The following TMCO4 variants were observed in gnomAD, a reference collection of about 807,000 sequenced individuals.
TMCO4 encodes the protein transmembrane and coiled-coil domains 4.
TMCO4 carries 58 observed loss-of-function variants against 64.7 expected under a neutral mutation model. The observed-to-expected ratio is 0.90, with a 90% CI of 0.73 to 1.12. TMCO4 has a LOEUF of 1.12. TMCO4 is among the 50% of genes most tolerant of loss of function. The pLI, the probability that TMCO4 is intolerant of heterozygous loss-of-function variation, is 0.00. For synonymous variants in TMCO4, 325 were observed against 346.1 expected (o/e 0.94, Z 0.68); for missense variants, 780 against 825.9 (o/e 0.94, Z 0.68).
rs1201398752 is a variant in TMCO4, at chr1:19,734,721, T to G, written c.1264+2651A>C. Among the ~76,000 whole-genome samples, 1 of 152,128 alleles carries G rather than the reference T, an allele frequency of 6.6e-6. No homozygotes were observed. The highest frequency in any genetic ancestry group is 1.5e-5 in the Non-Finnish European group (1 of 68,012). On this transcript the variant is annotated intron_variant, in intron 13 of 15. Coordinates refer to ENST00000294543, the MANE Select transcript of TMCO4 (RefSeq NM_181719.7). The surrounding 1 kb of genome is among the most constrained non-coding windows in gnomAD (Gnocchi z 4.4). ...CTGGAATGCCCTGCCCTAGTCCAGC[T>G]GCCGTCTGCCAAATACAGCATAGTG...
At chr1:19,738,311 C>G (rs2095464683) in intron 12 of TMCO4, 1 of 152,268 alleles carries the variant, frequency 6.6e-6, no homozygotes, top group Admixed American at 6.5e-5. Context: ...TCATTCTCCC[C>G]TTTGTCCTTT....
chr1:19,688,992 AG>A (rs2095171160), intron 15 of TMCO4, among the ~76,000 whole-genome samples: 1 of 152,076 alleles, frequency 6.6e-6, no homozygotes, highest in Non-Finnish European at 1.5e-5. Context: ...GGAGAGACTG[AG>A]GGGCAGGAGG....
At chr1:19,708,828 A>C (rs1271458988) in intron 13 of TMCO4, among the ~76,000 whole-genome samples, 1 of 152,214 alleles carries the variant, frequency 6.6e-6, no homozygotes, top group Non-Finnish European at 1.5e-5. Context: ...GGCTGCAAAG[A>C]CCAAAGAATC....
intron 4 of TMCO4, among the ~76,000 whole-genome samples, chr1:19,779,591 G>C (rs2043363182): frequency 6.6e-6 from 1 of 152,036 alleles, no homozygotes; most frequent in Non-Finnish European, 1.5e-5. Flanking sequence ...TTGCTCCCAC[G>C]ACCCCGTTTA....
intron 2 of TMCO4, among the ~76,000 whole-genome samples, chr1:19,792,653 T>C (rs74058652): frequency 0.03 from 4,546 of 152,204 alleles, 226 homozygotes; most frequent in African/African-American, 0.1. Context: ...AATTCCATGA[T>C]GTGGGCCTTT....
rs2095443025 is a variant in TMCO4, at chr1:19,734,243, G to T, written c.1264+3129C>A. On this transcript the variant is annotated intron_variant, in intron 13 of 15. Transcript: ENST00000294543. The surrounding 1 kb of genome is among the most constrained non-coding windows in gnomAD (Gnocchi z 4.4). ...GAGGCGGGGGAAGGTGCTGAAGGCA[G>T]ATCATGAGTGGGGCCCTGTGAGTCA... 6.6e-6 allele frequency among the ~76,000 whole-genome samples: 1 copy of T among 152,172 alleles called. No individual in the cohort carries two copies. Among genetic ancestry groups the T allele is most frequent in the Non-Finnish European group, 1.5e-5 (1 of 68,028 alleles).
At chr1:19,730,985 A>G (rs2095427640) in intron 13 of TMCO4, among the ~76,000 whole-genome samples, 2 of 152,198 alleles carry the variant, frequency 1.3e-5, no homozygotes, top group South Asian at 4.1e-4. Flanking sequence ...TGTGCAGATT[A>G]ATTGGGTGTT....
chr1:19,777,990 G>A (rs1467704216), intron 4 of TMCO4, among the ~76,000 whole-genome samples: 1 of 152,208 alleles, frequency 6.6e-6, no homozygotes, highest in Non-Finnish European at 1.5e-5. Context: ...AGTGAGCTAT[G>A]TCTGTATCAC....
Position 19,739,928 on chromosome 1 carries a change from G to C in TMCO4, c.1075C>G (p.Leu359Val), listed in dbSNP as rs2095471524. ...IVAALTWPAS[L>V]LSVANVIDNP... ...TCGATGACATTGGCGACACTGAGGA[G>C]TGAGGCTGGCCAGGTCAGGGCAGCC... The change falls in exon 12 of 16, where the codon CTC becomes GTC. Residue 359 changes from leucine to valine, a missense_variant. Coordinates refer to ENST00000294543, the MANE Select transcript of TMCO4 (RefSeq NM_181719.7). The C allele has an allele frequency of 6.2e-7, 1 of 1,613,926 alleles. No homozygotes were observed. The highest frequency in any genetic ancestry group is 1.1e-5 in the South Asian group (1 of 91,066).
In TMCO4 at chr1:19,732,765, G is replaced by A. The variant is rs761135971; in HGVS notation, c.1264+4607C>T. Among the ~76,000 whole-genome samples the A allele has an allele frequency of 7.9e-5, 12 of 152,048 alleles. No individual in the cohort carries two copies. Among genetic ancestry groups the A allele is most frequent in the Non-Finnish European group, 1.2e-4 (8 of 67,984 alleles). On this transcript the variant is annotated intron_variant, in intron 13 of 15. Transcript: ENST00000294543. The surrounding 1 kb of genome is among the most constrained non-coding windows in gnomAD (Gnocchi z 4.8). ...TGTGTTTAGAGTTTTCTGGGCCCAA[G>A]TTCTTTTTTCTGAAGGTGACTACAG...
intron 10 of TMCO4, 104 bp downstream of exon 10, chr1:19,745,428 G>A: frequency 6.5e-7 from 1 of 1,529,930 alleles, no homozygotes; most frequent in Non-Finnish European, 8.8e-7. Context: ...TGCGAAATGG[G>A]GCTCCCTATA....
At chr1:19,759,417 T>C (rs1278529460) in intron 6 of TMCO4, among the ~76,000 whole-genome samples, 1 of 152,184 alleles carries the variant, frequency 6.6e-6, no homozygotes, top group African/African-American at 2.4e-5. Context: ...GGTCATGTTC[T>C]CTCCCTGGCT....
At chr1:19,709,691 G>A (rs1031751375) in intron 13 of TMCO4, among the ~76,000 whole-genome samples, 3 of 151,974 alleles carry the variant, frequency 2.0e-5, no homozygotes, top group Non-Finnish European at 1.5e-5. Flanking sequence ...GAATGAAACC[G>A]GAGATTGTGC....
Position 19,682,473 on chromosome 1 carries a change from C to A in TMCO4, c.*567G>T. The A allele has an allele frequency of 1.6e-6, 1 of 630,236 alleles. No homozygotes were observed. The highest frequency in any genetic ancestry group is 1.8e-5 in the South Asian group (1 of 55,274). 39.0% of individuals were successfully genotyped at this position (630,236 alleles called of 1,614,324 possible). On this transcript the variant is annotated 3_prime_UTR_variant, in exon 16 of 16. Coordinates refer to ENST00000294543, the MANE Select transcript of TMCO4 (RefSeq NM_181719.7). ...CTGGAGTTATGCAGCGCACAGCCTA[C>A]ATGGCTGTACAGGGCAGATCTGATT...
chr1:19,708,120 G>C (rs1262267158), intron 13 of TMCO4, among the ~76,000 whole-genome samples: 2 of 152,138 alleles, frequency 1.3e-5, no homozygotes, highest in Non-Finnish European at 2.9e-5. Context: ...CTGGGGGTTT[G>C]GGACAGCCTA....
chr1:19,779,310 C>G (rs2043351458), intron 4 of TMCO4, among the ~76,000 whole-genome samples: 1 of 152,174 alleles, frequency 6.6e-6, no homozygotes, highest in African/African-American at 2.4e-5. Context: ...AACACTCAAC[C>G]TCTTCCCAAG....
chr1:19,738,777 C>T (rs1269029), intron 12 of TMCO4, among the ~76,000 whole-genome samples: 3 of 152,218 alleles, frequency 2.0e-5, no homozygotes, highest in Admixed American at 6.5e-5. Flanking sequence ...TATCCATCCT[C>T]CCTTTTTTCC....
intron 13 of TMCO4, among the ~76,000 whole-genome samples, chr1:19,721,634 C>A (rs1023966367): frequency 6.6e-6 from 1 of 151,942 alleles, no homozygotes; most frequent in Non-Finnish European, 1.5e-5. Flanking sequence ...TCAAAAAATG[C>A]AAAAATGAGT....
chr1:19,739,532 G>A (rs1434127393), intron 12 of TMCO4, among the ~76,000 whole-genome samples: 4 of 152,200 alleles, frequency 2.6e-5, no homozygotes, highest in African/African-American at 9.6e-5. Context: ...CTGATACATA[G>A]GAGCCACTTT....
Sources: gnomAD v4.1 joint callset for allele counts (sites outside exome capture counted in the v4.1 genomes callset) on GRCh38, gnomAD v4.1.1 for gene constraint, Gnocchi (gnomAD v3.1) non-coding constraint, MANE v1.5 for transcripts, NCBI Gene and HGNC (gene_info 2026-07-23, HGNC 2026-07-21) for gene names.